The following FARS2 variants were observed in gnomAD, a reference collection of about 807,000 sequenced individuals.
FARS2 encodes the protein phenylalanyl-tRNA synthetase 2, mitochondrial, also known as phenylalanine--tRNA ligase, mitochondrial.
A neutral mutation model predicts 46.4 loss-of-function variants in FARS2; 40 were observed. The observed-to-expected ratio is 0.86, with a 90% confidence interval of 0.67 to 1.12. FARS2 has a LOEUF of 1.12. FARS2 is among the 50% of genes most tolerant of loss of function. FARS2 has a pLI of 0.00. For synonymous variants in FARS2, 234 were observed against 214.9 expected, an observed-to-expected ratio of 1.09 and a Z score of -0.78; for missense variants, 513 against 567.9, an observed-to-expected ratio of 0.90 and a Z score of 0.98.
chr6:5,279,443 T>C (rs1211192771), intron 1 of FARS2, among the ~76,000 whole-genome samples: 6 of 149,484 alleles, frequency 4.0e-5, no homozygotes, highest in African/African-American at 9.8e-5. Context: ...AGTGAGAAGA[T>C]TGAAAGATAA....
intron 4 of FARS2, among the ~76,000 whole-genome samples, chr6:5,468,633 T>C (rs1486002275): frequency 6.6e-6 from 1 of 152,272 alleles, no homozygotes; most frequent in Non-Finnish European, 1.5e-5. Flanking sequence ...TGCCAGTGTT[T>C]GATTGTTCAT....
At chr6:5,592,965 C>T (rs142464988) in intron 5 of FARS2, among the ~76,000 whole-genome samples, 5 of 152,300 alleles carry the variant, frequency 3.3e-5, no homozygotes, top group African/African-American at 9.6e-5. Context: ...TGCAGCCCAG[C>T]CTCTTAAGGC....
intron 1 of FARS2, among the ~76,000 whole-genome samples, chr6:5,357,122 T>C (rs909371156): frequency 6.6e-6 from 1 of 152,222 alleles, no homozygotes; most frequent in Non-Finnish European, 1.5e-5. Context: ...AAAAGTTGTT[T>C]GATGTCCATC....
At chr6:5,578,775 C>T (rs1386623078) in intron 5 of FARS2, among the ~76,000 whole-genome samples, 1 of 144,566 alleles carries the variant, frequency 6.9e-6, no homozygotes, top group Admixed American at 7.1e-5. Context: ...TGCCACTGCA[C>T]TCCAGCCTGG....
At chr6:5,532,236 T>C (rs897698619) in intron 4 of FARS2, among the ~76,000 whole-genome samples, 7 of 152,194 alleles carry the variant, frequency 4.6e-5, no homozygotes, top group African/African-American at 1.7e-4. Context: ...AACATAGCCG[T>C]CCTCAGTTAA....
intron 6 of FARS2, among the ~76,000 whole-genome samples, chr6:5,739,682 T>C (rs1277616520): frequency 6.6e-6 from 1 of 152,190 alleles, no homozygotes; most frequent in Non-Finnish European, 1.5e-5. Flanking sequence ...GAAAATAATC[T>C]TCCTTCTAAA....
chr6:5,473,699 A>G (rs536054471), intron 4 of FARS2, among the ~76,000 whole-genome samples: 14 of 152,234 alleles, frequency 9.2e-5, no homozygotes, highest in Admixed American at 8.5e-4. Context: ...AATTTGGTAG[A>G]AGACTCAGTT....
At chr6:5,737,840 C>T (rs1244944432) in intron 6 of FARS2, among the ~76,000 whole-genome samples, 5 of 152,296 alleles carry the variant, frequency 3.3e-5, no homozygotes, top group South Asian at 2.1e-4. Context: ...CCATGAAGAC[C>T]GTGGCTTGCT....
At chr6:5,582,229 C>A (rs1466808838) in intron 5 of FARS2, among the ~76,000 whole-genome samples, 6 of 116,034 alleles carry the variant, frequency 5.2e-5, no homozygotes, top group East Asian at 2.7e-4. Flanking sequence ...TAACATACTT[C>A]CGGTTAATTC....
In FARS2 at chr6:5,613,314, A is replaced by T; in HGVS notation, c.1211A>T (p.His404Leu). 6.2e-7 allele frequency: 1 copy of T among 1,611,964 alleles called. No homozygotes were observed. Among genetic ancestry groups the T allele is most frequent in the Non-Finnish European group, 8.5e-7 (1 of 1,179,130 alleles). ...GTTGATCTCATAGACAAGTTTGTACATCCAAAGTAAGTGAAAAGCTTTCTG... is the reference window on the plus strand; with the variant it reads ...GTTGATCTCATAGACAAGTTTGTACTTCCAAAGTAAGTGAAAAGCTTTCTG... ...EKVDLIDKFV[H>L]PKTHKTSHCY... The change falls in exon 6 of 7, where the codon CAT becomes CTT. Residue 404 changes from histidine to leucine, a missense_variant. His to Leu is a moderately conservative substitution (Grantham distance 99). Coordinates refer to ENST00000274680, the MANE Select transcript of FARS2 (RefSeq NM_006567.5).
intron 5 of FARS2, chr6:5,609,608 C>T (rs1179233053): frequency 1.6e-6 from 2 of 1,248,664 alleles, no homozygotes; most frequent in East Asian, 4.6e-5. Flanking sequence ...CACTTCACCT[C>T]TTTGGCTGAA....
intron 1 of FARS2, among the ~76,000 whole-genome samples, chr6:5,306,524 A>C (rs9405818): frequency 6.6e-6 from 1 of 151,848 alleles, no homozygotes; most frequent in Non-Finnish European, 1.5e-5. Flanking sequence ...GGAATTTATG[A>C]GTATTTACAT....
chr6:5,450,916 G>A (rs1199059999), intron 4 of FARS2, among the ~76,000 whole-genome samples: 1 of 152,110 alleles, frequency 6.6e-6, no homozygotes, highest in South Asian at 2.1e-4. Context: ...TCTCCATGAA[G>A]GTATTCAGGG....
intron 4 of FARS2, among the ~76,000 whole-genome samples, chr6:5,536,944 C>T (rs1275534102): frequency 6.6e-6 from 1 of 152,220 alleles, no homozygotes; most frequent in African/African-American, 2.4e-5. Context: ...GAGAGATAAT[C>T]ATGTACATTT....
chr6:5,668,191 G>C (rs1778241859), intron 6 of FARS2: 1 of 152,220 alleles, frequency 6.6e-6, no homozygotes, highest in Non-Finnish European at 1.5e-5. Context: ...GTGGGGTTTA[G>C]TAGCTTCAGC....
intron 6 of FARS2, among the ~76,000 whole-genome samples, chr6:5,638,158 A>G (rs1335765536): frequency 6.6e-6 from 1 of 152,186 alleles, no homozygotes; most frequent in Non-Finnish European, 1.5e-5. Flanking sequence ...CCTATATTCT[A>G]ATACAGTACT....
At chr6:5,333,143 G>A (rs980713099) in intron 1 of FARS2, among the ~76,000 whole-genome samples, 1 of 149,796 alleles carries the variant, frequency 6.7e-6, no homozygotes, top group African/African-American at 2.4e-5. Flanking sequence ...AGTTATGGCA[G>A]TGAAATTAGA....
At chr6:5,335,623 T>C (rs1254777854) in intron 1 of FARS2, among the ~76,000 whole-genome samples, 1 of 152,184 alleles carries the variant, frequency 6.6e-6, no homozygotes, top group Admixed American at 6.5e-5. Flanking sequence ...TGTAAATCAG[T>C]TTTCTGTAAT....
chr6:5,583,790 A>G (rs1371528314), intron 5 of FARS2, among the ~76,000 whole-genome samples: 1 of 152,202 alleles, frequency 6.6e-6, no homozygotes, highest in South Asian at 2.1e-4. Context: ...TCTGGTTCAT[A>G]TCGTTCCTGA....
Sources: gnomAD v4.1 joint callset for allele counts (sites outside exome capture counted in the v4.1 genomes callset) on GRCh38, gnomAD v4.1.1 for gene constraint, MANE v1.5 for transcripts, NCBI Gene and HGNC (gene_info 2026-07-23, HGNC 2026-07-21) for gene names.